The following ATRNL1 variants were observed in gnomAD, a reference collection of about 807,000 sequenced individuals.
ATRNL1 encodes the protein attractin-like protein 1.
Under a neutral mutation model 182.7 loss-of-function variants are expected in ATRNL1, and 95 were observed. The observed-to-expected ratio is 0.52, with a 90% CI of 0.44 to 0.62. The LOEUF is 0.62. Among genes scored for constraint, ATRNL1 ranks in the 20% least tolerant of loss-of-function variants. The pLI is 0.00. For missense variants in ATRNL1, 1,471 were observed against 1,679.5 expected, an observed-to-expected ratio of 0.88 and a Z score of 2.17; for synonymous variants, 576 against 568.3, an observed-to-expected ratio of 1.01 and a Z score of -0.19.
At position 115,727,245 on chromosome 10, in the gene ATRNL1, C is replaced by T. The variant is rs1485798726; in HGVS notation, c.3796-3C>T. 4.3e-6 allele frequency: 7 copies of T among 1,610,156 alleles called. No homozygotes were observed. Among genetic ancestry groups the T allele is most frequent in the Non-Finnish European group, 6.0e-6 (7 of 1,176,468 alleles). On this transcript the variant is annotated splice_region_variant and splice_polypyrimidine_tract_variant and intron_variant, in intron 26 of 28. Transcript: ENST00000355044. ...AAGATAAATCATTTTTAACCCCCTC[C>T]AGCAACTGCTTCGAGAACGACAGCA... is the stretch of plus-strand genomic sequence containing the variant.
At chr10:115,795,075 C>T (rs1949618991) in intron 27 of ATRNL1, among the ~76,000 whole-genome samples, 1 of 152,134 alleles carries the variant, frequency 6.6e-6, no homozygotes, top group South Asian at 2.1e-4. Flanking sequence ...CTTGTACTTT[C>T]TATGCCTCAG....
intron 18 of ATRNL1, among the ~76,000 whole-genome samples, chr10:115,332,232 G>A (rs1206715475): frequency 6.6e-6 from 1 of 152,140 alleles, no homozygotes; most frequent in African/African-American, 2.4e-5. Context: ...GCTTGGGGAT[G>A]GGGTATTGTG....
In ATRNL1 at chr10:115,796,560, T is replaced by A. The variant is rs1404242986; in HGVS notation, c.3904-51317T>A. Among the ~76,000 whole-genome samples, 4 of 152,218 alleles carry A rather than the reference T, an allele frequency of 2.6e-5. No homozygotes were observed. The East Asian group carries it at 7.7e-4, about 29-fold the overall frequency. ...TTTATTCTCAGTTCTTAACAAAGTATCTGATTCATAGAGGTAGGTAGCAGT... is the reference window on the plus strand; with the variant it reads ...TTTATTCTCAGTTCTTAACAAAGTAACTGATTCATAGAGGTAGGTAGCAGT... On this transcript the variant is annotated intron_variant, in intron 27 of 28. Transcript: ENST00000355044.
chr10:115,301,726 C>T (rs1592407879), intron 16 of ATRNL1, 129 bp from the exon 17 acceptor site: 7 of 644,850 alleles, frequency 1.1e-5, no homozygotes, highest in East Asian at 9.6e-5. Flanking sequence ...TTTTATCTAC[C>T]TCATCATATT....
Position 115,300,044 on chromosome 10 carries a change from C to T in ATRNL1, c.2426C>T (p.Pro809Leu). Residue 809 changes from proline (P) to leucine (L), a missense_variant, in exon 16 of 29, where the codon CCT (proline) becomes CTT (leucine). By Grantham distance (98) the Pro-to-Leu change is moderately conservative. This residue lies in a region of ATRNL1 where 1,031 missense variants were observed against 1,156.0 expected (regional missense o/e 0.89). Transcript: ENST00000355044. ...IQKYTQQKVS[P>L]WVGLRKINIS... ...TCCTGTTGTTTACAGAAAGTATCAC[C>T]TTGGGTAGGCTTGCGCAAGATCAAT... 6.2e-7 allele frequency: 1 copy of T among 1,609,370 alleles called. No homozygotes were observed. Among genetic ancestry groups the T allele is most frequent in the South Asian group, 1.1e-5 (1 of 90,496 alleles).
intron 27 of ATRNL1, among the ~76,000 whole-genome samples, chr10:115,763,710 GTGTT>G (rs1284012692): frequency 1.3e-5 from 2 of 152,014 alleles, no homozygotes; most frequent in Non-Finnish European, 2.9e-5. Context: ...ATATCTGTGT[GTGTT>G]TGTATACACA....
intron 18 of ATRNL1, among the ~76,000 whole-genome samples, chr10:115,316,320 G>A (rs1554929680): frequency 6.6e-6 from 1 of 152,102 alleles, no homozygotes; most frequent in Non-Finnish European, 1.5e-5. Context: ...AGTATTCCAT[G>A]GTGTATACGA....
chr10:115,664,115 G>A (rs1860863712), intron 26 of ATRNL1, among the ~76,000 whole-genome samples: 1 of 151,968 alleles, frequency 6.6e-6, no homozygotes, highest in Admixed American at 6.6e-5. Flanking sequence ...TACCTTCCTG[G>A]CCCCTTTGCC....
At chr10:115,694,126 T>G (rs1345323177) in intron 26 of ATRNL1, among the ~76,000 whole-genome samples, 1 of 151,682 alleles carries the variant, frequency 6.6e-6, no homozygotes, top group African/African-American at 2.4e-5. Context: ...TGTTCCTAAA[T>G]ATAACTTTCC....
In ATRNL1 at chr10:115,945,046, A is replaced by G. The variant is rs77583199; in HGVS notation, c.*267A>G. The G allele has an allele frequency of 3.1e-3, 776 of 252,410 alleles. 8 individuals carry two copies. Among genetic ancestry groups the G allele is most frequent in the African/African-American group, 0.016 (719 of 45,130 alleles). 15.6% of individuals were successfully genotyped at this position (252,410 alleles called of 1,614,324 possible). On this transcript the variant is annotated 3_prime_UTR_variant, in exon 29 of 29. Transcript: ENST00000355044. ...ATTAAATTACTCTGGAAAAAGATGT[A>G]TATTGTTTCTTAATGAAGATGAAAA... is the stretch of plus-strand genomic sequence containing the variant.
chr10:115,833,053 C>T (rs192933447), intron 27 of ATRNL1, among the ~76,000 whole-genome samples: 6 of 152,056 alleles, frequency 3.9e-5, no homozygotes, highest in Non-Finnish European at 8.8e-5. Flanking sequence ...AAAAGAAATT[C>T]AAATAGCAAA....
At chr10:115,882,600 C>G (rs1271492353) in intron 28 of ATRNL1, among the ~76,000 whole-genome samples, 2 of 152,156 alleles carry the variant, frequency 1.3e-5, no homozygotes, top group African/African-American at 2.4e-5. Context: ...CTCTATGAAG[C>G]CTTCCAGACT....
chr10:115,368,520 G>A (rs1554946982), intron 19 of ATRNL1, among the ~76,000 whole-genome samples: 1 of 152,148 alleles, frequency 6.6e-6, no homozygotes, highest in Non-Finnish European at 1.5e-5. Context: ...GACCAGAGCT[G>A]TTCCTATTCG....
At chr10:115,434,912 ATAAGAT>A (rs1846331455) in intron 21 of ATRNL1, among the ~76,000 whole-genome samples, 1 of 152,168 alleles carries the variant, frequency 6.6e-6, no homozygotes, top group Non-Finnish European at 1.5e-5. Context: ...AAGTTGGAGT[ATAAGAT>A]TAAGTTCCTG....
intron 1 of ATRNL1, among the ~76,000 whole-genome samples, chr10:115,116,102 A>G (rs1166350992): frequency 6.6e-6 from 1 of 152,086 alleles, no homozygotes; most frequent in Non-Finnish European, 1.5e-5. Flanking sequence ...CTCTGTTGCC[A>G]GTACTCAACT....
intron 27 of ATRNL1, among the ~76,000 whole-genome samples, chr10:115,775,570 A>G (rs1349555110): frequency 6.6e-6 from 1 of 152,212 alleles, no homozygotes; most frequent in Non-Finnish European, 1.5e-5. Flanking sequence ...CAAATATCCT[A>G]TATGGACTTC....
At chr10:115,391,345 G>A (rs1275236907) in intron 19 of ATRNL1, among the ~76,000 whole-genome samples, 1 of 152,142 alleles carries the variant, frequency 6.6e-6, no homozygotes, top group African/African-American at 2.4e-5. Context: ...CCTTTATTGT[G>A]TTGAGGCCTG....
chr10:115,619,480 T>G (rs1458098560), intron 26 of ATRNL1, among the ~76,000 whole-genome samples: 2 of 150,658 alleles, frequency 1.3e-5, no homozygotes, highest in East Asian at 4.0e-4. Flanking sequence ...CAGGGGTGGG[T>G]GCTGGGTGGG....
At chr10:115,252,971 C>T (rs1554905714) in intron 10 of ATRNL1, among the ~76,000 whole-genome samples, 1 of 152,174 alleles carries the variant, frequency 6.6e-6, no homozygotes, top group African/African-American at 2.4e-5. Flanking sequence ...CTGTGCTCCA[C>T]CTACCACCAA....
Sources: allele counts gnomAD v4.1 joint callset (sites outside exome capture counted in the v4.1 genomes callset), GRCh38; gene constraint gnomAD v4.1.1; regional missense constraint gnomAD v4.1.1; transcripts MANE v1.5; gene names NCBI Gene and HGNC (gene_info 2026-07-23, HGNC 2026-07-21).